NR6A1: variants seen among roughly 807,000 people sequenced by gnomAD.
NR6A1 encodes retinoic acid receptor-related testis-associated receptor.
Under a neutral mutation model 59.1 loss-of-function variants are expected in NR6A1, and 7 were observed. The observed-to-expected ratio is 0.12, with a 90% CI of 0.07 to 0.22. NR6A1 has a LOEUF of 0.22. NR6A1 is among the 10% of genes least tolerant of loss of function. The pLI, the probability that NR6A1 is intolerant of heterozygous loss-of-function variation, is 1.00. For synonymous variants in NR6A1, 243 were observed against 236.1 expected (o/e 1.03, Z -0.27); for missense variants, 468 against 611.6 (o/e 0.77, Z 2.48).
At chr9:124,685,342 G>A (rs980645150) in intron 2 of NR6A1, among the ~76,000 whole-genome samples, 1 of 152,132 alleles carries the variant, frequency 6.6e-6, no homozygotes, top group Admixed American at 6.5e-5. Flanking sequence ...AGGAGTTGGG[G>A]GAGACAGGGT....
At chr9:124,676,331 A>G (rs1225246621) in intron 2 of NR6A1, among the ~76,000 whole-genome samples, 1 of 152,192 alleles carries the variant, frequency 6.6e-6, no homozygotes, top group Non-Finnish European at 1.5e-5. Flanking sequence ...GAGCTTTGGC[A>G]GCTGCACTAT....
chr9:124,715,635 A>T (rs1243165322), intron 2 of NR6A1, among the ~76,000 whole-genome samples: 1 of 152,140 alleles, frequency 6.6e-6, no homozygotes, highest in African/African-American at 2.4e-5. Flanking sequence ...TTCAATCAAA[A>T]TCTCAGCAAG....
chr9:124,626,777 T>C (rs948135831), intron 2 of NR6A1, among the ~76,000 whole-genome samples: 4 of 151,896 alleles, frequency 2.6e-5, no homozygotes, highest in African/African-American at 7.3e-5. Context: ...CTACTAAAAA[T>C]ACAAAAATTA....
chr9:124,755,911 G>C (rs1225755981), intron 1 of NR6A1, among the ~76,000 whole-genome samples: 1 of 152,152 alleles, frequency 6.6e-6, no homozygotes, highest in African/African-American at 2.4e-5. Context: ...TTGATGTTAA[G>C]ATGGGGAAAA....
At chr9:124,548,843 C>A (rs550542866) in intron 3 of NR6A1, among the ~76,000 whole-genome samples, 1 of 152,186 alleles carries the variant, frequency 6.6e-6, no homozygotes, top group African/African-American at 2.4e-5. Flanking sequence ...AACATGACAC[C>A]CACCCCCACC....
chr9:124,742,882 A>C (rs1840216170), intron 1 of NR6A1, among the ~76,000 whole-genome samples: 1 of 152,226 alleles, frequency 6.6e-6, no homozygotes, highest in Non-Finnish European at 1.5e-5. Context: ...TCTCAAAAAT[A>C]AAAAATAAAT....
intron 2 of NR6A1, among the ~76,000 whole-genome samples, chr9:124,706,624 G>C (rs956251225): frequency 6.6e-6 from 1 of 151,908 alleles, no homozygotes; most frequent in African/African-American, 2.4e-5. Context: ...CGATTCTCCT[G>C]CCTCAGCCTC....
chr9:124,562,520 G>A (rs537102810), intron 2 of NR6A1, among the ~76,000 whole-genome samples: 4 of 152,062 alleles, frequency 2.6e-5, no homozygotes, highest in African/African-American at 7.2e-5. Context: ...AGCCTTGAAC[G>A]CCTGACCTCA....
intron 2 of NR6A1, among the ~76,000 whole-genome samples, chr9:124,673,660 AT>A (rs1310736135): frequency 1.3e-5 from 2 of 152,176 alleles, no homozygotes; most frequent in African/African-American, 4.8e-5. Flanking sequence ...GGCAAATATA[AT>A]TAAAGAAAAA....
Position 124,771,212 on chromosome 9 carries a change from G to T in NR6A1, c.-93C>A. The T allele has an allele frequency of 1.5e-6, 1 of 687,886 alleles. No individual in the cohort carries two copies. Among genetic ancestry groups the T allele is most frequent in the Non-Finnish European group, 2.0e-6 (1 of 490,702 alleles). The allele number at this position is 687,886 out of a possible 1,614,324, so 42.6% of individuals were successfully genotyped here. Reference sequence around the variant, plus strand: ...CGTCGTCCGCCGAGGGGAGGAGGTTGTCAGGAGCCCGCGAGCTCCCGGCCG... The same window carrying T: ...CGTCGTCCGCCGAGGGGAGGAGGTTTTCAGGAGCCCGCGAGCTCCCGGCCG... On this transcript the variant is annotated 5_prime_UTR_variant, in exon 1 of 10. Coordinates refer to ENST00000487099, the MANE Select transcript of NR6A1 (RefSeq NM_033334.4).
At chr9:124,713,690 G>A (rs1839343423) in intron 2 of NR6A1, among the ~76,000 whole-genome samples, 1 of 152,196 alleles carries the variant, frequency 6.6e-6, no homozygotes, top group Non-Finnish European at 1.5e-5. Context: ...GCCACAATGA[G>A]ATATTGTCTC....
intron 7 of NR6A1, among the ~76,000 whole-genome samples, chr9:124,535,553 G>A (rs1023364395): frequency 2.0e-4 from 30 of 152,162 alleles, no homozygotes; most frequent in African/African-American, 7.2e-4. Flanking sequence ...ATTCCAGCCT[G>A]GGCGACAGAA....
At chr9:124,641,269 G>T (rs1836759791) in intron 2 of NR6A1, among the ~76,000 whole-genome samples, 1 of 151,042 alleles carries the variant, frequency 6.6e-6, no homozygotes, top group African/African-American at 2.4e-5. Context: ...TGAGGCAGGA[G>T]AATTGCTTGA....
At chr9:124,740,833 C>A (rs1171936205) in intron 1 of NR6A1, among the ~76,000 whole-genome samples, 1 of 152,114 alleles carries the variant, frequency 6.6e-6, no homozygotes, top group Non-Finnish European at 1.5e-5. Flanking sequence ...TTGACTAGAT[C>A]AGTCAAATCT....
chr9:124,643,365 C>T (rs942168829), intron 2 of NR6A1, among the ~76,000 whole-genome samples: 1 of 152,000 alleles, frequency 6.6e-6, no homozygotes, highest in Non-Finnish European at 1.5e-5. Context: ...CTCTGAGAGG[C>T]TGAGGCGGGT....
chr9:124,660,512 C>T (rs1179631562), intron 2 of NR6A1, among the ~76,000 whole-genome samples: 2 of 152,132 alleles, frequency 1.3e-5, no homozygotes, highest in South Asian at 2.1e-4. Flanking sequence ...AGCCACCATT[C>T]GCCCCACTGG....
At chr9:124,641,719 T>C (rs1410465225) in intron 2 of NR6A1, among the ~76,000 whole-genome samples, 6 of 152,068 alleles carry the variant, frequency 3.9e-5, no homozygotes, top group Non-Finnish European at 8.8e-5. Flanking sequence ...TGTGGGAAAT[T>C]AGTTGGGAAG....
chr9:124,567,035 G>A (rs1460129046), intron 2 of NR6A1, among the ~76,000 whole-genome samples: 1 of 151,308 alleles, frequency 6.6e-6, no homozygotes, highest in Non-Finnish European at 1.5e-5. Flanking sequence ...GTGAACCCGG[G>A]AGGCGGAGCT....
At chr9:124,708,831 C>T (rs1402533357) in intron 2 of NR6A1, among the ~76,000 whole-genome samples, 1 of 152,204 alleles carries the variant, frequency 6.6e-6, no homozygotes, top group Non-Finnish European at 1.5e-5. Context: ...AGTGTTACAG[C>T]TGGCCTTGGT....
Sources: gnomAD v4.1 joint callset for allele counts (sites outside exome capture counted in the v4.1 genomes callset) on GRCh38, gnomAD v4.1.1 for gene constraint, MANE v1.5 for transcripts, NCBI Gene and HGNC (gene_info 2026-07-23, HGNC 2026-07-21) for gene names.